The following RAG1 variants were observed in gnomAD, a reference collection of about 807,000 sequenced individuals.
RAG1 encodes V(D)J recombination-activating protein 1.
A neutral mutation model predicts 62.7 loss-of-function variants in RAG1; 35 were observed. The ratio of observed to expected loss-of-function variants is 0.56; its 90% confidence interval spans 0.43 to 0.74. The LOEUF (loss-of-function observed/expected upper bound fraction) is 0.74, where lower values mean the gene tolerates loss of function less well. RAG1 is among the 30% of genes least tolerant of loss of function. The pLI, the probability that RAG1 is intolerant of heterozygous loss-of-function variation, is 0.00. For synonymous variants in RAG1, 461 were observed against 470.3 expected (o/e 0.98, Z 0.26); for missense variants, 1,169 against 1,278.6 (o/e 0.91, Z 1.31).
Position 36,578,774 on chromosome 11 carries a change from A to G in RAG1, c.*2338A>G, listed in dbSNP as rs1416091368. On this transcript the variant is annotated 3_prime_UTR_variant, in exon 2 of 2. Coordinates refer to ENST00000299440, the MANE Select transcript of RAG1 (RefSeq NM_000448.3). Reference sequence around the variant, plus strand: ...TTGCCCTTACTGTTGAGACTGCAATATCCTAGACCCTAGTTTTATACTAGA... The same window carrying G: ...TTGCCCTTACTGTTGAGACTGCAATGTCCTAGACCCTAGTTTTATACTAGA... 1.2e-5 allele frequency: 2 copies of G among 167,078 alleles called. No individual in the cohort carries two copies. Among genetic ancestry groups the G allele is most frequent in the Non-Finnish European group, 2.9e-5 (2 of 68,122 alleles). The allele number at this position is 167,078 out of a possible 1,614,324, so 10.3% of individuals were successfully genotyped here.
rs104894298 is a variant in RAG1 at position 36,574,823 on chromosome 11, C to T, written c.1519C>T (p.Arg507Trp). 9 of 1,614,246 alleles carry T rather than the reference C, an allele frequency of 5.6e-6. No individual in the cohort carries two copies. The highest frequency in any genetic ancestry group is 7.6e-6 in the Non-Finnish European group (9 of 1,180,052). The change falls in exon 2 of 2, where the codon CGG (arginine) becomes TGG (tryptophan). Residue 507 changes from arginine (R) to tryptophan (W), a missense_variant. Coordinates refer to ENST00000299440, the MANE Select transcript of RAG1 (RefSeq NM_000448.3). ...RQIFQPLHAL[R>W]NAEKVLLPGY... ...GATTTTTCAGCCTTTGCATGCCCTT[C>T]GGAATGCTGAGAAGGTACTTCTGCC...
chr11:36,570,359 A>T lies in RAG1; in HGVS notation c.-15+2237A>T, dbSNP rs370096914. 1.9e-4 allele frequency among the ~76,000 whole-genome samples: 29 copies of T among 152,330 alleles called. 1 individual carries two copies. Among genetic ancestry groups the T allele is most frequent in the Middle Eastern group, 6.8e-3 (2 of 294 alleles). ...TAGTTTTAATCTTTGCTAATTGAAT[A>T]GATAAAAAATATCTAATCTAAGTCT... On this transcript the variant is annotated intron_variant, in intron 1 of 1. Coordinates refer to ENST00000299440, the MANE Select transcript of RAG1 (RefSeq NM_000448.3).
chr11:36,520,148 C>T (rs1479960373), exon 2 of RAG1: 1 of 152,208 alleles, frequency 6.6e-6, no homozygotes, highest in African/African-American at 2.4e-5. Flanking sequence ...AATCTGAAGC[C>T]ACTTCAAAGA....
chr11:36,558,663 G>A (rs1044794303), intron 3 of RAG1, among the ~76,000 whole-genome samples: 2 of 152,112 alleles, frequency 1.3e-5, no homozygotes, highest in African/African-American at 4.8e-5. Context: ...TGTCTTTGTA[G>A]TTGAAGTGAG....
intron 2 of RAG1, among the ~76,000 whole-genome samples, chr11:36,532,590 A>C (rs1860272201): frequency 6.6e-6 from 1 of 152,216 alleles, no homozygotes; most frequent in Admixed American, 6.5e-5. Flanking sequence ...TGGCCCAAAA[A>C]TATTAAATAG....
At position 36,574,546 on chromosome 11, in the gene RAG1, C is replaced by T. The variant is rs1203544831; in HGVS notation, c.1242C>T (p.Leu414=). ...CTCAGAAGCACCGGCTGAGGGAGCT[C>T]AAGCTGCAAGTCAAAGCCTTTGCTG... The part of the protein sequence containing the change: ...RRAQKHRLRE[L]KLQVKAFADK... The change falls in exon 2 of 2, where the codon CTC becomes CTT. Residue 414 remains leucine (L), a synonymous_variant. Transcript: ENST00000299440. 6.2e-7 allele frequency: 1 copy of T among 1,614,224 alleles called. No homozygotes were observed. Among genetic ancestry groups the T allele is most frequent in the Admixed American group, 1.7e-5 (1 of 60,030 alleles).
At chr11:36,519,910 T>C (rs942260077) in intron 1 of RAG1, among the ~76,000 whole-genome samples, 3 of 152,102 alleles carry the variant, frequency 2.0e-5, no homozygotes, top group African/African-American at 7.2e-5. Context: ...AAAGTAAAAA[T>C]GTCCTCCTTA....
chr11:36,533,270 A>T (rs1293488558), intron 2 of RAG1, among the ~76,000 whole-genome samples: 1 of 152,154 alleles, frequency 6.6e-6, no homozygotes, highest in East Asian at 1.9e-4. Flanking sequence ...GTACTCGTAA[A>T]TAAGATTCCA....
intron 2 of RAG1, among the ~76,000 whole-genome samples, chr11:36,525,902 C>A (rs1455978850): frequency 6.6e-6 from 1 of 152,000 alleles, no homozygotes; most frequent in Non-Finnish European, 1.5e-5. Flanking sequence ...CCTTTTCTTG[C>A]CTATTGAACT....
chr11:36,510,960 T>A (rs954892683), exon 1 of RAG1: 10 of 152,216 alleles, frequency 6.6e-5, no homozygotes, highest in African/African-American at 2.2e-4. Context: ...TTTTCCAGGA[T>A]AGTAGTCATG....
chr11:36,570,454 A>G (rs1850723719), intron 1 of RAG1, among the ~76,000 whole-genome samples: 1 of 152,172 alleles, frequency 6.6e-6, no homozygotes. Flanking sequence ...ATCACAAGTA[A>G]GGATAAAAAA....
At chr11:36,569,344 C>T (rs915760303) in intron 1 of RAG1, among the ~76,000 whole-genome samples, 1 of 152,212 alleles carries the variant, frequency 6.6e-6, no homozygotes, top group African/African-American at 2.4e-5. Flanking sequence ...ACCAACCACT[C>T]AGCCTTTGAG....
intron 2 of RAG1, among the ~76,000 whole-genome samples, chr11:36,527,770 CT>C (rs1278734537): frequency 6.6e-6 from 1 of 151,476 alleles, no homozygotes; most frequent in Non-Finnish European, 1.5e-5. Context: ...TCAAGTTCTC[CT>C]TAAAGAGGTC....
intron 1 of RAG1, among the ~76,000 whole-genome samples, chr11:36,517,417 T>C (rs1396733733): frequency 6.6e-6 from 1 of 152,170 alleles, no homozygotes; most frequent in African/African-American, 2.4e-5. Flanking sequence ...GGGGGGAATA[T>C]ACAATTTTTT....
At chr11:36,570,654 C>T (rs1590699402) in intron 1 of RAG1, among the ~76,000 whole-genome samples, 2 of 152,252 alleles carry the variant, frequency 1.3e-5, no homozygotes, top group African/African-American at 4.8e-5. Flanking sequence ...TATGAAGGTT[C>T]CCTTTTCTCT....
In RAG1 at chr11:36,573,282, T is replaced by A; in HGVS notation, c.-14-9T>A. 1 of 1,614,002 alleles carries A rather than the reference T, an allele frequency of 6.2e-7. No homozygotes were observed. The highest frequency in any genetic ancestry group is 8.5e-7 in the Non-Finnish European group (1 of 1,179,972). On this transcript the variant is annotated splice_polypyrimidine_tract_variant and intron_variant, in intron 1 of 1. Transcript: ENST00000299440. ...TGGTCTTAATATGACTTGTTTTCAT[T>A]GTTCTCAGGTACCTCAGCCAGCATG...
chr11:36,569,776 A>AT (rs1475986490), intron 1 of RAG1, among the ~76,000 whole-genome samples: 9 of 152,194 alleles, frequency 5.9e-5, no homozygotes, highest in East Asian at 5.8e-4. Flanking sequence ...TGCCAATTCT[A>AT]TTTTTTTCAG....
At chr11:36,522,413 C>G (rs371850959) in intron 2 of RAG1, among the ~76,000 whole-genome samples, 1 of 152,226 alleles carries the variant, frequency 6.6e-6, no homozygotes, top group Admixed American at 6.5e-5. Context: ...GTTGAGCCTG[C>G]GAGTGCCCAG....
At chr11:36,567,670 G>A (rs1564986339), upstream of RAG1, among the ~76,000 whole-genome samples, 4 of 152,170 alleles carry the variant, frequency 2.6e-5, no homozygotes. Context: ...TTGACTCTTT[G>A]AGGTATATAC....
Sources: gnomAD v4.1 joint callset for allele counts (sites outside exome capture counted in the v4.1 genomes callset) on GRCh38, gnomAD v4.1.1 for gene constraint, MANE v1.5 for transcripts, NCBI Gene and HGNC (gene_info 2026-07-23, HGNC 2026-07-21) for gene names.